FER1L5: variants seen among roughly 807,000 people sequenced by gnomAD.
FER1L5 encodes the protein fer-1 like family member 5.
FER1L5 carries 187 observed loss-of-function variants against 279.9 expected under a neutral mutation model. The ratio of observed to expected loss-of-function variants is 0.67; its 90% CI spans 0.59 to 0.75. FER1L5 has a LOEUF of 0.75. Ranked by LOEUF, FER1L5 falls within the 30% of genes least tolerant of loss-of-function variation. FER1L5 has a pLI of 0.00. For synonymous variants in FER1L5, 921 were observed against 989.7 expected (o/e 0.93, Z 1.30); for missense variants, 2,091 against 2,594.4 (o/e 0.81, Z 4.21).
chr2:96,690,336 T>C (rs2077092991), intron 26 of FER1L5, 151 bp from the exon 27 acceptor site: 2 of 654,762 alleles, frequency 3.1e-6, no homozygotes, highest in Non-Finnish European at 5.4e-6. Context: ...GTGATGGCTC[T>C]GGTGGTATGA....
intron 19 of FER1L5, among the ~76,000 whole-genome samples, chr2:96,681,749 A>C (rs1347078901): frequency 1.3e-5 from 2 of 150,566 alleles, no homozygotes; most frequent in Non-Finnish European, 3.0e-5. Flanking sequence ...CCTTTCTACT[A>C]CTGAGAGATT....
intron 36 of FER1L5, 28 bp from the exon 37 acceptor site, chr2:96,696,024 G>C: frequency 1.2e-6 from 2 of 1,613,710 alleles, no homozygotes; most frequent in East Asian, 4.5e-5. Flanking sequence ...CCCATCCTGA[G>C]ACTCGTCCCT....
chr2:96,686,381 AG>A (rs2076926211), intron 23 of FER1L5, 31 bp downstream of exon 23: 1 of 1,536,096 alleles, frequency 6.5e-7, no homozygotes, highest in Non-Finnish European at 8.8e-7. Context: ...AGGGGAGGAC[AG>A]GGCTGAGAAA....
chr2:96,659,233 TAACAGTGTCTTTCAAA>T (rs1443958938), intron 9 of FER1L5, among the ~76,000 whole-genome samples: 1 of 151,434 alleles, frequency 6.6e-6, no homozygotes, highest in Non-Finnish European at 1.5e-5. Context: ...GTCATTTTCT[TAACAGTGTCTTTCAAA>T]AGCAGACTTT....
intron 6 of FER1L5, 74 bp from the exon 7 acceptor site, chr2:96,651,818 T>G (rs559595090): frequency 1.3e-6 from 2 of 1,541,578 alleles, no homozygotes; most frequent in African/African-American, 2.7e-5. Flanking sequence ...GCCTAGAATG[T>G]TTTCTTATCA....
At chr2:96,645,898 T>C (rs1203343388) in intron 1 of FER1L5, among the ~76,000 whole-genome samples, 2 of 152,008 alleles carry the variant, frequency 1.3e-5, no homozygotes, top group African/African-American at 4.8e-5. Flanking sequence ...CAAGAAATGT[T>C]GAACCCACAC....
intron 1 of FER1L5, among the ~76,000 whole-genome samples, chr2:96,643,583 C>G (rs1231515340): frequency 3.9e-5 from 6 of 152,030 alleles, no homozygotes; most frequent in South Asian, 2.1e-4. Flanking sequence ...CTCCTGACCT[C>G]AGGGGACCCA....
At chr2:96,699,177 T>C (rs1390019975) in intron 42 of FER1L5, 41 bp downstream of exon 42, 1 of 1,561,154 alleles carries the variant, frequency 6.4e-7, no homozygotes, top group South Asian at 1.2e-5. Flanking sequence ...TCCACTCCTA[T>C]CCACACCACA....
rs758245036 is a variant in FER1L5, at chr2:96,691,871, C to T, written c.3122C>T (p.Thr1041Ile). ...YHAGKEEDSK[T>I]WPWGLDRQFR... Reference sequence around the variant, plus strand: ...GCTGGGAAGGAAGAGGACAGCAAGACATGGCCATGGGGTCTGGACAGACAG... The same window carrying T: ...GCTGGGAAGGAAGAGGACAGCAAGATATGGCCATGGGGTCTGGACAGACAG... Residue 1041 changes from threonine (T) to isoleucine (I), a missense_variant, in exon 30 of 53, where the codon ACA becomes ATA. By Grantham distance (89) the Thr-to-Ile change is moderately conservative. Transcript: ENST00000624922. The surrounding 1 kb of genome is among the most constrained non-coding windows in gnomAD (Gnocchi z 6.0). 8 of 1,551,450 alleles carry T rather than the reference C, an allele frequency of 5.2e-6. No individual in the cohort carries two copies. Among genetic ancestry groups the T allele is most frequent in the African/African-American group, 1.4e-5 (1 of 73,030 alleles).
At chr2:96,649,195 C>CT (rs922320180) in intron 4 of FER1L5, among the ~76,000 whole-genome samples, 3 of 152,030 alleles carry the variant, frequency 2.0e-5, no homozygotes, top group African/African-American at 7.2e-5. Context: ...GGTCTGGAGG[C>CT]TGGGATGGTA....
In FER1L5 at chr2:96,700,399, C is replaced by T; in HGVS notation, c.4998C>T (p.His1666=). 1.9e-6 allele frequency: 3 copies of T among 1,613,876 alleles called. No individual in the cohort carries two copies. Among genetic ancestry groups the T allele is most frequent in the Non-Finnish European group, 1.7e-6 (2 of 1,179,894 alleles). Residue 1666 remains histidine, a synonymous_variant, in exon 45 of 53, where the codon CAC becomes CAT. Transcript: ENST00000624922. ...AACGCCTTGCACTGTACCTCCTGCA[C>T]ACCCAGGGGCTGGTACCTGAGCACG... ...KKERLALYLL[H]TQGLVPEHVE... is the part of the protein sequence containing the mutation.
chr2:96,702,706 C>G lies in FER1L5; in HGVS notation c.5362C>G (p.Leu1788Val), dbSNP rs1455762200. ...GCGGTTCATCTTTACCATGGACTAC[C>G]TGGCGGCGGAGCGCACGTGTGTCCA... Reference protein sequence around the residue: ...NWRFIFTMDYLAAERTCVQSQ... With the variant: ...NWRFIFTMDYVAAERTCVQSQ... Residue 1788 changes from leucine to valine, a missense_variant, in exon 48 of 53, where the codon CTG (leucine) becomes GTG (valine). Transcript: ENST00000624922. The surrounding 1 kb of genome is among the most constrained non-coding windows in gnomAD (Gnocchi z 4.0). The G allele has an allele frequency of 6.2e-7, 1 of 1,613,052 alleles. No individual in the cohort carries two copies. Among genetic ancestry groups the G allele is most frequent in the African/African-American group, 1.3e-5 (1 of 74,920 alleles).
chr2:96,671,106 CAAAAAAAAAAAAAA>C, intron 18 of FER1L5, among the ~76,000 whole-genome samples: 1 of 40,220 alleles, frequency 2.5e-5, no homozygotes, highest in East Asian at 8.6e-4. Context: ...GACTCCATCT[CAAAAAAAAAAAAAA>C]AAAAAAAAGG....
chr2:96,644,489 GAA>G (rs2075032519), intron 1 of FER1L5, among the ~76,000 whole-genome samples: 1 of 151,372 alleles, frequency 6.6e-6, no homozygotes, highest in East Asian at 1.9e-4. Context: ...CAGAAAGAAA[GAA>G]AGAGAGAAAG....
At chr2:96,647,974 G>A (rs1315194762) in intron 4 of FER1L5, 88 bp downstream of exon 4, 2 of 1,084,170 alleles carry the variant, frequency 1.8e-6, no homozygotes, top group African/African-American at 3.1e-5. Context: ...AGTGCTTCCT[G>A]CTTGGGGGGC....
chr2:96,701,931 C>T (rs371873138), intron 45 of FER1L5, 24 bp from the exon 46 acceptor site: 7 of 1,611,790 alleles, frequency 4.3e-6, no homozygotes, highest in Non-Finnish European at 5.1e-6. Context: ...CAACCCCCAA[C>T]CAGTCAATGT....
chr2:96,700,823 C>T (rs1573974482), intron 45 of FER1L5, among the ~76,000 whole-genome samples: 1 of 152,192 alleles, frequency 6.6e-6, no homozygotes, highest in East Asian at 1.9e-4. Flanking sequence ...GACATGACAA[C>T]GCGGGTTCTG....
chr2:96,652,213 G>T (rs866692782), intron 7 of FER1L5, 193 bp downstream of exon 7: 33 of 710,926 alleles, frequency 4.6e-5, no homozygotes, highest in Middle Eastern at 8.0e-4. Context: ...CTGAGGAGCT[G>T]GTGGGCTGGT....
At chr2:96,648,255 A>G (rs1307794661) in intron 4 of FER1L5, among the ~76,000 whole-genome samples, 1 of 152,236 alleles carries the variant, frequency 6.6e-6, no homozygotes, top group Non-Finnish European at 1.5e-5. Context: ...TCAGGAGGTC[A>G]TGGACAGATT....
Sources: allele counts gnomAD v4.1 joint callset (sites outside exome capture counted in the v4.1 genomes callset), GRCh38; gene constraint gnomAD v4.1.1; non-coding constraint Gnocchi (gnomAD v3.1); transcripts MANE v1.5; gene names NCBI Gene and HGNC (gene_info 2026-07-23, HGNC 2026-07-21).